IARS2: variants seen among roughly 807,000 people sequenced by gnomAD.
The protein encoded by IARS2 is isoleucyl-tRNA synthetase 2, mitochondrial, also known as isoleucine--tRNA ligase, mitochondrial.
IARS2 carries 56 observed loss-of-function variants against 126.3 expected under a neutral mutation model. The ratio of observed to expected loss-of-function variants is 0.44; its 90% CI spans 0.36 to 0.55. The LOEUF is 0.55. IARS2 is among the 20% of genes least tolerant of loss of function. IARS2 has a pLI of 0.00. For synonymous variants in IARS2, 407 were observed against 441.1 expected, an observed-to-expected ratio of 0.92 and a Z score of 0.97; for missense variants, 1,127 against 1,245.9, an observed-to-expected ratio of 0.90 and a Z score of 1.44.
intron 21 of IARS2, 119 bp downstream of exon 21, chr1:220,143,253 T>C (rs1469933813): frequency 3.5e-6 from 2 of 567,498 alleles, no homozygotes; most frequent in Non-Finnish European, 6.0e-6. Flanking sequence ...AACTTTACTA[T>C]GCAATTATTC....
rs1315964542 is a variant in IARS2 at position 220,116,050 on chromosome 1, A to G, written c.1640+1576A>G. 2.0e-5 allele frequency among the ~76,000 whole-genome samples: 3 copies of G among 152,116 alleles called. 1 individual carries two copies. The highest frequency in any genetic ancestry group is 2.9e-5 in the Non-Finnish European group (2 of 67,988). On this transcript the variant is annotated intron_variant, in intron 12 of 22. Transcript: ENST00000366922. ...ACAGTGAGACCCCATCTCTACAGAAAAATTTAAAAATTAGCTGGTGTGGTA... is the reference window on the plus strand; with the variant it reads ...ACAGTGAGACCCCATCTCTACAGAAGAATTTAAAAATTAGCTGGTGTGGTA...
chr1:220,102,616 T>C lies in IARS2; in HGVS notation c.859+12T>C. ...GGCATCTCTTATAGGTAAGATTTAT[T>C]CATAGCTTGAGTGTACCAAAGTTAT... On this transcript the variant is annotated intron_variant, in intron 6 of 22. Coordinates refer to ENST00000366922, the MANE Select transcript of IARS2 (RefSeq NM_018060.4). 6.3e-7 allele frequency: 1 copy of C among 1,596,576 alleles called. No individual in the cohort carries two copies. Among genetic ancestry groups the C allele is most frequent in the Non-Finnish European group, 8.6e-7 (1 of 1,164,166 alleles).
intron 15 of IARS2, chr1:220,134,769 T>C: frequency 8.4e-6 from 1 of 118,588 alleles, no homozygotes. Flanking sequence ...GTTGTTGTTG[T>C]TTTTTTTTTT....
At chr1:220,096,904 C>T (rs546511601) in intron 2 of IARS2, among the ~76,000 whole-genome samples, 3 of 152,024 alleles carry the variant, frequency 2.0e-5, no homozygotes, top group East Asian at 3.9e-4. Flanking sequence ...AAATTAGCCA[C>T]GCATGGTGGC....
intron 12 of IARS2, among the ~76,000 whole-genome samples, chr1:220,119,512 G>A (rs563339763): frequency 1.3e-5 from 2 of 152,024 alleles, no homozygotes; most frequent in South Asian, 4.2e-4. Flanking sequence ...ATTTTTTTCT[G>A]AAGAATATTA....
chr1:220,126,010 G>A (rs962099041), intron 13 of IARS2, among the ~76,000 whole-genome samples: 3 of 151,908 alleles, frequency 2.0e-5, no homozygotes, highest in Non-Finnish European at 4.4e-5. Flanking sequence ...GGGAGACTGA[G>A]GCAGGAGAAT....
In IARS2 at chr1:220,102,669, A is replaced by G. The variant is rs752366568; in HGVS notation, c.860-18A>G. ...AATTATCCCATTTGCTAACATATTT[A>G]CAATTGTATTTTCACAGATGGTTCA... is the stretch of plus-strand genomic sequence containing the variant. On this transcript the variant is annotated intron_variant, in intron 6 of 22. Coordinates refer to ENST00000366922, the MANE Select transcript of IARS2 (RefSeq NM_018060.4). The G allele has an allele frequency of 6.3e-7, 1 of 1,599,890 alleles. No individual in the cohort carries two copies. The highest frequency in any genetic ancestry group is 8.6e-7 in the Non-Finnish European group (1 of 1,167,054).
At chr1:220,127,077 A>C (rs1420150345) in intron 14 of IARS2, among the ~76,000 whole-genome samples, 5 of 152,348 alleles carry the variant, frequency 3.3e-5, no homozygotes, top group African/African-American at 1.2e-4. Context: ...ATAGTTAAAC[A>C]TGGGAATATT....
At chr1:220,143,300 A>G (rs1052913356) in intron 21 of IARS2, 166 bp downstream of exon 21, 7 of 414,168 alleles carry the variant, frequency 1.7e-5, no homozygotes, top group Non-Finnish European at 2.9e-5. Context: ...TCACTTTTAA[A>G]TATCTTTTAA....
In IARS2 at chr1:220,140,217, A is replaced by G. The variant is rs1235414852; in HGVS notation, c.2342A>G (p.Lys781Arg). 4.2e-5 allele frequency: 68 copies of G among 1,612,938 alleles called. No individual in the cohort carries two copies. Among genetic ancestry groups the G allele is most frequent in the Non-Finnish European group, 5.3e-5 (63 of 1,179,096 alleles). ...TTATACAAACAATATGATTTTGGAAAAGTTGTTCGGCTGTTACGGACGTTT... is the reference window on the plus strand; with the variant it reads ...TTATACAAACAATATGATTTTGGAAGAGTTGTTCGGCTGTTACGGACGTTT... ...TELYKQYDFG[K>R]VVRLLRTFYT... is the part of the protein sequence containing the mutation. The change falls in exon 19 of 23, where the codon AAA becomes AGA. Residue 781 changes from lysine to arginine, a missense_variant. Lys to Arg is a conservative substitution (Grantham distance 26). Transcript: ENST00000366922.
Position 220,126,899 on chromosome 1 carries a change from G to T in IARS2, c.1837+56G>T. On this transcript the variant is annotated intron_variant, in intron 14 of 22. Coordinates refer to ENST00000366922, the MANE Select transcript of IARS2 (RefSeq NM_018060.4). Reference sequence around the variant, plus strand: ...AAGAAGTTTTGAAAATATGGAATTGGTATTTAGAAGGGATCTATAATCAAA... The same window carrying T: ...AAGAAGTTTTGAAAATATGGAATTGTTATTTAGAAGGGATCTATAATCAAA... 5.0e-6 allele frequency: 6 copies of T among 1,192,358 alleles called. No homozygotes were observed. The South Asian group carries it at 6.6e-5, about 13-fold the overall frequency. The allele number at this position is 1,192,358 out of a possible 1,614,324, so 73.9% of individuals were successfully genotyped here.
Position 220,112,325 on chromosome 1 carries a change from G to A in IARS2, c.1479+1388G>A, listed in dbSNP as rs1390196685. Among the ~76,000 whole-genome samples the A allele has an allele frequency of 2.7e-4, 24 of 87,456 alleles. 5 individuals are homozygous for A. Among genetic ancestry groups the A allele is most frequent in the Middle Eastern group, 5.7e-3 (1 of 174 alleles). 57.4% of individuals were successfully genotyped at this position (87,456 alleles called of 152,430 possible). On this transcript the variant is annotated intron_variant, in intron 11 of 22. Transcript: ENST00000366922. ...AATTTTTTGTATTTTTAGTAGAGAC[G>A]GGGTTTCACCTTGTTAGCCAGGATG...
chr1:220,141,838 G>T lies in IARS2; in HGVS notation c.2450G>T (p.Arg817Leu), dbSNP rs146618526. 45 of 1,613,954 alleles carry T rather than the reference G, an allele frequency of 2.8e-5. No homozygotes were observed. The African/African-American group carries it at 6.0e-4, about 22-fold the overall frequency. ...GAAAAGGAAAATGACCCCAAACGAC[G>T]CTCTTGTCAGACTGCATTAGTTGAA... ...YCEKENDPKR[R>L]SCQTALVEIL... The change falls in exon 20 of 23, where the codon CGC becomes CTC. Residue 817 changes from arginine (R) to leucine (L), a missense_variant. Coordinates refer to ENST00000366922, the MANE Select transcript of IARS2 (RefSeq NM_018060.4).
chr1:220,134,382 T>C lies in IARS2; in HGVS notation c.1838-20T>C, dbSNP rs749755848. ...ACTTAAATTTCTGGGTTTTTTTTTC[T>C]TTTAATACTTAATTTTGAGGTCCTG... On this transcript the variant is annotated intron_variant, in intron 14 of 22. Coordinates refer to ENST00000366922, the MANE Select transcript of IARS2 (RefSeq NM_018060.4). The C allele has an allele frequency of 3.3e-6, 5 of 1,525,534 alleles. No individual in the cohort carries two copies. The highest frequency in any genetic ancestry group is 4.6e-5 in the East Asian group (2 of 43,430). The allele number at this position is 1,525,534 out of a possible 1,614,324, so 94.5% of individuals were successfully genotyped here.
At chr1:220,108,585 C>T (rs1217113060) in intron 10 of IARS2, among the ~76,000 whole-genome samples, 2 of 152,000 alleles carry the variant, frequency 1.3e-5, no homozygotes, top group African/African-American at 2.4e-5. Flanking sequence ...TGGGGTTTCA[C>T]CATATTAGCC....
intron 18 of IARS2, 25 bp from the exon 19 acceptor site, chr1:220,140,158 A>C (rs1484823744): frequency 7.2e-6 from 10 of 1,397,044 alleles, no homozygotes; most frequent in Non-Finnish European, 1.0e-5. Flanking sequence ...TCAGCTTCCA[A>C]ATTTATTTTG....
At chr1:220,123,899 G>A (rs963431322) in intron 12 of IARS2, among the ~76,000 whole-genome samples, 10 of 152,236 alleles carry the variant, frequency 6.6e-5, no homozygotes, top group Non-Finnish European at 1.5e-4. Flanking sequence ...TTTGAATAAT[G>A]CTTACATAGT....
intron 14 of IARS2, among the ~76,000 whole-genome samples, chr1:220,128,301 G>A (rs1200433915): frequency 6.6e-6 from 1 of 152,066 alleles, no homozygotes; most frequent in African/African-American, 2.4e-5. Context: ...ATATATCAAG[G>A]GATGACTACT....
chr1:220,104,574 G>A (rs1029863088), intron 8 of IARS2, among the ~76,000 whole-genome samples: 3 of 151,986 alleles, frequency 2.0e-5, no homozygotes, highest in Non-Finnish European at 4.4e-5. Context: ...TGGTAGAGAT[G>A]AGGTCTTGCT....
Sources: gnomAD v4.1 joint callset for allele counts (sites outside exome capture counted in the v4.1 genomes callset) on GRCh38, gnomAD v4.1.1 for gene constraint, MANE v1.5 for transcripts, NCBI Gene and HGNC (gene_info 2026-07-23, HGNC 2026-07-21) for gene names.